ADGB: variants seen among roughly 807,000 people sequenced by gnomAD.
The protein encoded by ADGB is androglobin.
Under a neutral mutation model 210.5 loss-of-function variants are expected in ADGB, and 172 were observed. The ratio of observed to expected loss-of-function variants is 0.82; its 90% CI spans 0.72 to 0.93. The LOEUF (loss-of-function observed/expected upper bound fraction) is 0.93, where lower values mean the gene tolerates loss of function less well. Among genes scored for constraint, ADGB ranks in the 40% least tolerant of loss-of-function variants. ADGB has a pLI of 0.00. For missense variants in ADGB, 2,025 were observed against 1,964.8 expected (o/e 1.03, Z -0.58); for synonymous variants, 658 against 662.7 (o/e 0.99, Z 0.11).
intron 13 of ADGB, among the ~76,000 whole-genome samples, chr6:146,702,829 A>C (rs1463627285): frequency 1.3e-5 from 2 of 151,928 alleles, no homozygotes; most frequent in Non-Finnish European, 2.9e-5. Context: ...GAATTTGTAC[A>C]TGTAGTTGGA....
chr6:146,634,122 C>A (rs1364100280), intron 1 of ADGB, among the ~76,000 whole-genome samples: 1 of 152,016 alleles, frequency 6.6e-6, no homozygotes, highest in African/African-American at 2.4e-5. Context: ...AGGTGCTTAC[C>A]ATTGTGTTAC....
At chr6:146,645,207 T>C (rs1405034024) in intron 3 of ADGB, among the ~76,000 whole-genome samples, 1 of 152,044 alleles carries the variant, frequency 6.6e-6, no homozygotes, top group Non-Finnish European at 1.5e-5. Flanking sequence ...ATTCATAGCA[T>C]GGAGGTCTGT....
intron 27 of ADGB, among the ~76,000 whole-genome samples, chr6:146,760,656 T>C (rs1249377254): frequency 6.6e-6 from 1 of 151,968 alleles, no homozygotes; most frequent in East Asian, 1.9e-4. Context: ...GTTTGACATA[T>C]GTATACATTT....
At chr6:146,689,086 A>G (rs1211461622) in intron 10 of ADGB, among the ~76,000 whole-genome samples, 1 of 152,142 alleles carries the variant, frequency 6.6e-6, no homozygotes, top group East Asian at 1.9e-4. Context: ...TCACCTGCCC[A>G]AATCCAACTC....
At chr6:146,762,856 G>A (rs1407133701) in intron 27 of ADGB, among the ~76,000 whole-genome samples, 2 of 152,084 alleles carry the variant, frequency 1.3e-5, no homozygotes, top group Non-Finnish European at 2.9e-5. Flanking sequence ...TCAACACTGT[G>A]GAACTACCAG....
Position 146,717,461 on chromosome 6 carries a change from T to C in ADGB, c.1929-75T>C. The C allele has an allele frequency of 5.0e-6, 4 of 797,036 alleles. No individual in the cohort carries two copies. In the South Asian group the frequency reaches 8.1e-5, roughly 16 times the overall value. The allele number at this position is 797,036 out of a possible 1,614,324, so 49.4% of individuals were successfully genotyped here. A position where few individuals can be genotyped will look rare whatever the true frequency, so the allele number is the denominator to read the frequency against. On this transcript the variant is annotated intron_variant, in intron 15 of 35. Transcript: ENST00000397944. ...TAACTTTCTTCCTACAATAATTTGA[T>C]TATAAGAAACTTAACATGTAGTACT...
At chr6:146,608,485 G>A (rs546253251) in intron 1 of ADGB, among the ~76,000 whole-genome samples, 1 of 152,058 alleles carries the variant, frequency 6.6e-6, no homozygotes, top group Non-Finnish European at 1.5e-5. Flanking sequence ...TGTGAGAAGC[G>A]TCTAACTTTT....
intron 17 of ADGB, among the ~76,000 whole-genome samples, chr6:146,721,882 G>A (rs990764965): frequency 1.3e-5 from 2 of 152,064 alleles, no homozygotes; most frequent in South Asian, 4.2e-4. Context: ...GAAGACCGTG[G>A]ATGGAGGAAC....
At chr6:146,727,266 C>T (rs1298718544) in intron 19 of ADGB, among the ~76,000 whole-genome samples, 1 of 152,032 alleles carries the variant, frequency 6.6e-6, no homozygotes, top group African/African-American at 2.4e-5. Context: ...GCAGATTGCC[C>T]CCACACATGT....
intron 19 of ADGB, among the ~76,000 whole-genome samples, chr6:146,727,434 A>G (rs936661604): frequency 3.3e-5 from 5 of 152,178 alleles, no homozygotes; most frequent in Non-Finnish European, 7.3e-5. Context: ...TTAGACACAG[A>G]TGTCACTTAT....
In ADGB at chr6:146,764,043, G is replaced by A. The variant is rs1271813664; in HGVS notation, c.3693G>A (p.Val1231=). 6.4e-7 allele frequency: 1 copy of A among 1,551,332 alleles called. No individual in the cohort carries two copies. The highest frequency in any genetic ancestry group is 8.7e-7 in the Non-Finnish European group (1 of 1,146,782). The change falls in exon 28 of 36, where the codon GTG becomes GTA. Residue 1231 remains valine, a synonymous_variant. Coordinates refer to ENST00000397944, the MANE Select transcript of ADGB (RefSeq NM_024694.4). ...SAIQDIGLPL[V]EEETTSTPTR... is the part of the protein sequence containing the mutation. ...TACAAGACATTGGTCTACCCCTTGTGGAGGAGGAAACTACCAGTACACCCA... is the reference window on the plus strand; with the variant it reads ...TACAAGACATTGGTCTACCCCTTGTAGAGGAGGAAACTACCAGTACACCCA...
intron 13 of ADGB, among the ~76,000 whole-genome samples, chr6:146,704,097 A>G (rs1185480033): frequency 1.3e-5 from 2 of 151,944 alleles, no homozygotes; most frequent in Non-Finnish European, 2.9e-5. Flanking sequence ...TACGTTGGCC[A>G]TTTGTATGTC....
chr6:146,739,223 A>G (rs1010020447), intron 23 of ADGB, among the ~76,000 whole-genome samples: 7 of 152,132 alleles, frequency 4.6e-5, no homozygotes, highest in African/African-American at 1.7e-4. Flanking sequence ...ACATCCTTGT[A>G]TAGATTAGGC....
rs1000272833 is a variant in ADGB, at chr6:146,672,578, G to C, written c.1087+111G>C. ...AGTGGTTTTGATCCAGACCCCAAGAGAGGGTTCTTGGATCTCACACAGTAG... is the reference window on the plus strand; with the variant it reads ...AGTGGTTTTGATCCAGACCCCAAGACAGGGTTCTTGGATCTCACACAGTAG... On this transcript the variant is annotated intron_variant, in intron 8 of 35. Transcript: ENST00000397944. 3.9e-5 allele frequency: 49 copies of C among 1,269,136 alleles called. No individual in the cohort carries two copies. The African/African-American group carries it at 5.3e-4, about 14-fold the overall frequency. The allele number at this position is 1,269,136 out of a possible 1,614,324, so 78.6% of individuals were successfully genotyped here. A position where few individuals can be genotyped will look rare whatever the true frequency, so the allele number is the denominator to read the frequency against.
intron 10 of ADGB, among the ~76,000 whole-genome samples, chr6:146,689,031 T>C (rs1410334796): frequency 2.0e-5 from 3 of 152,196 alleles, no homozygotes; most frequent in Non-Finnish European, 4.4e-5. Flanking sequence ...GGTATTCTAA[T>C]GGTTTTAGTT....
At chr6:146,607,755 T>G (rs1780651977) in intron 1 of ADGB, among the ~76,000 whole-genome samples, 1 of 152,228 alleles carries the variant, frequency 6.6e-6, no homozygotes, top group Non-Finnish European at 1.5e-5. Flanking sequence ...TTTATTGTGG[T>G]AAATTAGCTT....
intron 33 of ADGB, among the ~76,000 whole-genome samples, chr6:146,800,228 G>T (rs1401353583): frequency 6.6e-6 from 1 of 152,058 alleles, no homozygotes; most frequent in Non-Finnish European, 1.5e-5. Flanking sequence ...AAACACCGTG[G>T]TTTGACACTT....
chr6:146,600,658 T>C (rs1780540951), intron 1 of ADGB, among the ~76,000 whole-genome samples: 1 of 152,190 alleles, frequency 6.6e-6, no homozygotes, highest in Non-Finnish European at 1.5e-5. Flanking sequence ...TTTTATTTTT[T>C]TATTGACTTT....
intron 1 of ADGB, among the ~76,000 whole-genome samples, chr6:146,602,019 A>T (rs1231535576): frequency 2.0e-5 from 3 of 152,248 alleles, no homozygotes; most frequent in African/African-American, 7.2e-5. Flanking sequence ...ATCTATGTTC[A>T]TATTCATAAG....
Sources: allele counts gnomAD v4.1 joint callset (sites outside exome capture counted in the v4.1 genomes callset), GRCh38; gene constraint gnomAD v4.1.1; transcripts MANE v1.5; gene names NCBI Gene and HGNC (gene_info 2026-07-23, HGNC 2026-07-21).